The following TYR variants were observed in gnomAD, a reference collection of about 807,000 sequenced individuals.
TYR encodes the protein tyrosinase.
TYR carries 58 observed loss-of-function variants against 51.5 expected under a neutral mutation model. That is an observed-to-expected ratio of 1.13 (90% confidence interval 0.91 to 1.40). The LOEUF is 1.40. Among genes scored for constraint, TYR ranks in the 40% most tolerant of loss-of-function variants. The pLI is 0.00. For synonymous variants in TYR, 263 were observed against 235.2 expected (o/e 1.12, Z -1.08); for missense variants, 732 against 647.4 (o/e 1.13, Z -1.42).
intron 1 of TYR, among the ~76,000 whole-genome samples, chr11:89,187,837 G>C (rs72963127): frequency 1.3e-5 from 2 of 151,792 alleles, no homozygotes; most frequent in Non-Finnish European, 2.9e-5. Context: ...TAGTGAATAG[G>C]ATACAGTTTA....
intron 3 of TYR, among the ~76,000 whole-genome samples, chr11:89,252,713 A>C (rs1346690737): frequency 6.6e-6 from 1 of 151,770 alleles, no homozygotes; most frequent in Non-Finnish European, 1.5e-5. Context: ...TTCAAGGAAC[A>C]GATTGATTAG....
At chr11:89,224,124 T>G (rs1436846943) in intron 2 of TYR, among the ~76,000 whole-genome samples, 1 of 152,058 alleles carries the variant, frequency 6.6e-6, no homozygotes, top group Admixed American at 6.6e-5. Flanking sequence ...AGGAGGGAGA[T>G]GCGTGATGCT....
Position 89,285,423 on chromosome 11 carries a change from G to T in TYR, c.1366+469G>T, listed in dbSNP as rs1250962988. Among the ~76,000 whole-genome samples, 3 of 151,804 alleles carry T rather than the reference G, an allele frequency of 2.0e-5. No homozygotes were observed. The East Asian group carries it at 5.8e-4, about 30-fold the overall frequency. ...TTGGAATCATTTTTGGAAGTTTCTT[G>T]CTAGGGTTACCAAGAAAATTTGTAG... is the stretch of plus-strand genomic sequence containing the variant. On this transcript the variant is annotated intron_variant, in intron 4 of 4. Coordinates refer to ENST00000263321, the MANE Select transcript of TYR (RefSeq NM_000372.5).
chr11:89,261,051 T>C (rs1590885175), intron 3 of TYR, among the ~76,000 whole-genome samples: 2 of 152,068 alleles, frequency 1.3e-5, no homozygotes, highest in Non-Finnish European at 2.9e-5. Context: ...TCAACCTCCA[T>C]CCATGAAAAT....
intron 1 of TYR, among the ~76,000 whole-genome samples, chr11:89,183,158 A>G (rs1943324312): frequency 6.6e-6 from 1 of 152,114 alleles, no homozygotes; most frequent in Non-Finnish European, 1.5e-5. Context: ...AATATCTGGC[A>G]GTTTATTGCT....
chr11:89,228,523 T>C (rs1013792715), intron 3 of TYR, among the ~76,000 whole-genome samples: 1 of 152,202 alleles, frequency 6.6e-6, no homozygotes, highest in Non-Finnish European at 1.5e-5. Context: ...TTTAAGGCCA[T>C]GTGGGCCTGG....
chr11:89,207,032 T>C (rs1943680981), intron 2 of TYR, among the ~76,000 whole-genome samples: 1 of 151,920 alleles, frequency 6.6e-6, no homozygotes, highest in African/African-American at 2.4e-5. Context: ...AGGTAAAGTC[T>C]CAAGTCAGTA....
intron 2 of TYR, among the ~76,000 whole-genome samples, chr11:89,194,998 C>T (rs1195138618): frequency 6.6e-6 from 1 of 152,118 alleles, no homozygotes; most frequent in Non-Finnish European, 1.5e-5. Context: ...GTTTTCCTCA[C>T]CAGAGAGACA....
At chr11:89,202,513 T>C (rs1943609692) in intron 2 of TYR, among the ~76,000 whole-genome samples, 1 of 152,050 alleles carries the variant, frequency 6.6e-6, no homozygotes, top group Non-Finnish European at 1.5e-5. Flanking sequence ...ATTCCAGATG[T>C]GATTAGTGTT....
intron 3 of TYR, among the ~76,000 whole-genome samples, chr11:89,247,353 G>C (rs898395607): frequency 1.3e-5 from 2 of 152,128 alleles, no homozygotes; most frequent in African/African-American, 4.8e-5. Flanking sequence ...TAACTCTGAG[G>C]CAGGCAGGCA....
intron 4 of TYR, among the ~76,000 whole-genome samples, chr11:89,292,452 C>G (rs1433353388): frequency 1.3e-5 from 2 of 152,044 alleles, no homozygotes; most frequent in Admixed American, 1.3e-4. Context: ...TGGATGCTGT[C>G]TCTCCTCAGT....
chr11:89,276,205 C>T (rs1944652159), intron 3 of TYR, among the ~76,000 whole-genome samples: 1 of 151,796 alleles, frequency 6.6e-6, no homozygotes, highest in Admixed American at 6.6e-5. Flanking sequence ...TTTGTTCCCT[C>T]ACAGTGAAAG....
chr11:89,188,286 A>T (rs1386585061), intron 1 of TYR, among the ~76,000 whole-genome samples: 2 of 151,938 alleles, frequency 1.3e-5, no homozygotes, highest in African/African-American at 2.4e-5. Context: ...AAAAATAAAA[A>T]CTATGTTTAT....
intron 3 of TYR, among the ~76,000 whole-genome samples, chr11:89,267,100 T>A (rs892011633): frequency 6.6e-6 from 1 of 151,918 alleles, no homozygotes; most frequent in Non-Finnish European, 1.5e-5. Flanking sequence ...GGGAGAGCAG[T>A]AAGGCTATTA....
At chr11:89,241,994 T>C (rs1944202702) in intron 3 of TYR, among the ~76,000 whole-genome samples, 2 of 152,002 alleles carry the variant, frequency 1.3e-5, no homozygotes, top group African/African-American at 4.8e-5. Context: ...CCCAGATTTT[T>C]TGAGCAATTT....
chr11:89,179,135 CAA>C (rs1173165474), intron 1 of TYR, among the ~76,000 whole-genome samples: 7 of 152,044 alleles, frequency 4.6e-5, no homozygotes, highest in African/African-American at 1.4e-4. Context: ...ATTAAAAAAA[CAA>C]ATGATATACA....
At chr11:89,272,476 C>T (rs1434058262) in intron 3 of TYR, among the ~76,000 whole-genome samples, 1 of 151,498 alleles carries the variant, frequency 6.6e-6, no homozygotes, top group Non-Finnish European at 1.5e-5. Context: ...TGTGCTGTCA[C>T]CTAAACATTG....
At chr11:89,213,651 AG>A (rs1943792500) in intron 2 of TYR, among the ~76,000 whole-genome samples, 1 of 152,164 alleles carries the variant, frequency 6.6e-6, no homozygotes, top group Admixed American at 6.6e-5. Flanking sequence ...TAAGCAAAAA[AG>A]ATCAAAGCTG....
chr11:89,225,413 A>T (rs368904400), intron 2 of TYR, among the ~76,000 whole-genome samples: 1 of 151,806 alleles, frequency 6.6e-6, no homozygotes, highest in Non-Finnish European at 1.5e-5. Context: ...ATCCTTAGAC[A>T]TAGATCTCCT....
Sources: gnomAD v4.1 joint callset for allele counts (sites outside exome capture counted in the v4.1 genomes callset) on GRCh38, gnomAD v4.1.1 for gene constraint, MANE v1.5 for transcripts, NCBI Gene and HGNC (gene_info 2026-07-23, HGNC 2026-07-21) for gene names.